CSTF3: variants seen among roughly 807,000 people sequenced by gnomAD.
The protein encoded by CSTF3 is CF-1 77 kDa subunit.
Under a neutral mutation model 105.8 loss-of-function variants are expected in CSTF3, and 29 were observed. That is an observed-to-expected ratio of 0.27 (90% CI 0.20 to 0.37). The LOEUF is 0.37. Among genes scored for constraint, CSTF3 ranks in the 10% least tolerant of loss-of-function variants. CSTF3 has a pLI of 1.00. For synonymous variants in CSTF3, 252 were observed against 281.9 expected, an observed-to-expected ratio of 0.89 and a Z score of 1.06; for missense variants, 357 against 879.3, an observed-to-expected ratio of 0.41 and a Z score of 7.51.
rs149708034 is a variant in CSTF3, at chr11:33,121,497, T to C, written c.226-13079A>G. Among the ~76,000 whole-genome samples the C allele has an allele frequency of 1.9e-3, 282 of 152,316 alleles. 1 individual carries two copies. The highest frequency in any genetic ancestry group is 1.1e-3 in the Non-Finnish European group (74 of 68,008). On this transcript the variant is annotated intron_variant, in intron 3 of 20. Transcript: ENST00000323959. ...AATCTTATTTTATAGTTTGAAATGTTTGTATTTCATTTTACCTCCTCTAAT... is the reference window on the plus strand; with the variant it reads ...AATCTTATTTTATAGTTTGAAATGTCTGTATTTCATTTTACCTCCTCTAAT...
intron 1 of CSTF3, among the ~76,000 whole-genome samples, chr11:33,157,501 A>G (rs1210604333): frequency 6.6e-6 from 1 of 152,230 alleles, no homozygotes; most frequent in Non-Finnish European, 1.5e-5. Context: ...ACAATAAGCA[A>G]GGAGCTTCAG....
intron 1 of CSTF3, among the ~76,000 whole-genome samples, chr11:33,142,867 C>T (rs1855730826): frequency 6.6e-6 from 1 of 152,138 alleles, no homozygotes; most frequent in Non-Finnish European, 1.5e-5. Context: ...CAATCTGCTG[C>T]CCTATCAGAT....
chr11:33,131,742 C>T (rs1236877076), intron 3 of CSTF3, among the ~76,000 whole-genome samples: 2 of 151,792 alleles, frequency 1.3e-5, no homozygotes, highest in East Asian at 3.9e-4. Flanking sequence ...GTCCCAGCTA[C>T]TCGGGAGGCT....
chr11:33,105,551 C>T lies in CSTF3; in HGVS notation c.585+16G>A, dbSNP rs777220495. 6.3e-7 allele frequency: 1 copy of T among 1,599,574 alleles called. No individual in the cohort carries two copies. The highest frequency in any genetic ancestry group is 1.1e-5 in the South Asian group (1 of 88,136). On this transcript the variant is annotated intron_variant, in intron 8 of 20. Coordinates refer to ENST00000323959, the MANE Select transcript of CSTF3 (RefSeq NM_001326.3). Reference sequence around the variant, plus strand: ...TGGCTTGGTTTATAATAAACAACTACTCTGACCTAATTTACCTCTTCATAC... The same window carrying T: ...TGGCTTGGTTTATAATAAACAACTATTCTGACCTAATTTACCTCTTCATAC...
chr11:33,112,704 G>A (rs145592072), intron 3 of CSTF3, among the ~76,000 whole-genome samples: 6 of 152,186 alleles, frequency 3.9e-5, no homozygotes, highest in African/African-American at 1.4e-4. Context: ...ATTATCCTAT[G>A]TATTACTTAC....
chr11:33,102,111 C>A, intron 10 of CSTF3, 66 bp downstream of exon 10: 1 of 1,391,214 alleles, frequency 7.2e-7, no homozygotes, highest in Non-Finnish European at 1.0e-6. Flanking sequence ...ATTTTAGTAA[C>A]CTATGGGGAT....
chr11:33,090,747 A>G lies in CSTF3; in HGVS notation c.1446-20T>C, dbSNP rs1192465953. On this transcript the variant is annotated intron_variant, in intron 16 of 20. Transcript: ENST00000323959. Reference sequence around the variant, plus strand: ...ATTTCTCTGCAAGAAAAGAAATACAATCAATACTTTAATTATTCTGGGTTT... The same window carrying G: ...ATTTCTCTGCAAGAAAAGAAATACAGTCAATACTTTAATTATTCTGGGTTT... The G allele has an allele frequency of 1.3e-6, 2 of 1,484,476 alleles. No homozygotes were observed. The highest frequency in any genetic ancestry group is 2.4e-5 in the East Asian group (1 of 42,050). The allele number at this position is 1,484,476 out of a possible 1,614,324, so 92.0% of individuals were successfully genotyped here.
At chr11:33,129,024 TA>T (rs1222576860) in intron 3 of CSTF3, among the ~76,000 whole-genome samples, 1 of 152,208 alleles carries the variant, frequency 6.6e-6, no homozygotes, top group Non-Finnish European at 1.5e-5. Flanking sequence ...CTGGAAAAGT[TA>T]ATAAATTTTA....
chr11:33,140,489 C>T (rs1855698556), intron 3 of CSTF3, among the ~76,000 whole-genome samples: 1 of 151,964 alleles, frequency 6.6e-6, no homozygotes, highest in African/African-American at 2.4e-5. Context: ...CCAGTAATTT[C>T]CCTCCCCACC....
Position 33,085,784 on chromosome 11 carries a change from C to T in CSTF3, c.1891-11G>A, listed in dbSNP as rs1484281039. ...TTGTACAAAAGGACCCTATTTTTGACATGAATAAATTTTAATCCCAGTAAT... is the reference window on the plus strand; with the variant it reads ...TTGTACAAAAGGACCCTATTTTTGATATGAATAAATTTTAATCCCAGTAAT... On this transcript the variant is annotated splice_polypyrimidine_tract_variant and intron_variant, in intron 19 of 20. Coordinates refer to ENST00000323959, the MANE Select transcript of CSTF3 (RefSeq NM_001326.3). 1.2e-6 allele frequency: 2 copies of T among 1,613,060 alleles called. No homozygotes were observed. Among genetic ancestry groups the T allele is most frequent in the Non-Finnish European group, 1.7e-6 (2 of 1,179,206 alleles).
At chr11:33,138,958 T>C (rs926981937) in intron 3 of CSTF3, among the ~76,000 whole-genome samples, 1 of 151,798 alleles carries the variant, frequency 6.6e-6, no homozygotes, top group Non-Finnish European at 1.5e-5. Context: ...AGCAAAAAAA[T>C]GAAAGCATGT....
chr11:33,146,591 C>G (rs1427169322), intron 1 of CSTF3, among the ~76,000 whole-genome samples: 2 of 141,812 alleles, frequency 1.4e-5, no homozygotes, highest in African/African-American at 5.2e-5. Flanking sequence ...AAAAAAGGAC[C>G]AATTAAATAA....
intron 3 of CSTF3, among the ~76,000 whole-genome samples, chr11:33,111,972 G>A (rs1039006734): frequency 6.6e-6 from 1 of 152,064 alleles, no homozygotes; most frequent in Admixed American, 6.6e-5. Flanking sequence ...AAAAATCATT[G>A]GCCAGGCACA....
chr11:33,096,419 A>C lies in CSTF3; in HGVS notation c.1273-11T>G. 3 of 1,512,832 alleles carry C rather than the reference A, an allele frequency of 2.0e-6. No individual in the cohort carries two copies. Among genetic ancestry groups the C allele is most frequent in the South Asian group, 2.4e-5 (2 of 83,380 alleles). 93.7% of individuals were successfully genotyped at this position (1,512,832 alleles called of 1,614,324 possible). ...GGCAACAGATTTGTCCTACAAGTAAAGAAAGTAAAGTACAGATTTCCATGA... is the reference window on the plus strand; with the variant it reads ...GGCAACAGATTTGTCCTACAAGTAACGAAAGTAAAGTACAGATTTCCATGA... On this transcript the variant is annotated splice_polypyrimidine_tract_variant and intron_variant, in intron 14 of 20. Transcript: ENST00000323959.
At chr11:33,086,254 G>GAGTT (rs1377538288) in intron 18 of CSTF3, among the ~76,000 whole-genome samples, 1 of 152,174 alleles carries the variant, frequency 6.6e-6, no homozygotes, top group Non-Finnish European at 1.5e-5. Flanking sequence ...GAGTGTTTCT[G>GAGTT]AGTTACACAA....
intron 1 of CSTF3, among the ~76,000 whole-genome samples, chr11:33,158,133 T>C (rs957892317): frequency 1.3e-5 from 2 of 152,214 alleles, no homozygotes; most frequent in East Asian, 3.8e-4. Flanking sequence ...AAATTGAAGC[T>C]CTATGACAGG....
intron 1 of CSTF3, among the ~76,000 whole-genome samples, chr11:33,159,512 G>A (rs1227229199): frequency 5.0e-5 from 7 of 140,272 alleles, no homozygotes; most frequent in African/African-American, 1.6e-4. Flanking sequence ...CAGGAGAATC[G>A]CTTGAACCGG....
At chr11:33,120,351 T>C (rs1855474028) in intron 3 of CSTF3, among the ~76,000 whole-genome samples, 3 of 151,856 alleles carry the variant, frequency 2.0e-5, no homozygotes, top group African/African-American at 7.2e-5. Context: ...AGTTCAAAGG[T>C]AGTGGGAATA....
intron 3 of CSTF3, among the ~76,000 whole-genome samples, chr11:33,118,304 G>A (rs1189532723): frequency 1.3e-5 from 2 of 151,698 alleles, no homozygotes; most frequent in East Asian, 3.8e-4. Context: ...GAATCTCAAA[G>A]GTAAAACCTT....
Sources: allele counts gnomAD v4.1 joint callset (sites outside exome capture counted in the v4.1 genomes callset), GRCh38; gene constraint gnomAD v4.1.1; transcripts MANE v1.5; gene names NCBI Gene and HGNC (gene_info 2026-07-23, HGNC 2026-07-21).